Variants in CEP128 observed in about 807,000 individuals in gnomAD.
The protein encoded by CEP128 is centrosomal protein 128kDa.
In CEP128, 132 loss-of-function variants were observed where a neutral mutation model predicts 156.7. That is an observed-to-expected ratio of 0.84 (90% CI 0.73 to 0.97). The LOEUF is 0.97. Among genes scored for constraint, CEP128 ranks in the 50% least tolerant of loss-of-function variants. CEP128 has a pLI of 0.00. For missense variants in CEP128, 1,252 were observed against 1,281.9 expected (o/e 0.98, Z 0.36); for synonymous variants, 469 against 448.9 (o/e 1.04, Z -0.57).
intron 19 of CEP128, among the ~76,000 whole-genome samples, chr14:80,646,328 T>C (rs1158809364): frequency 6.6e-6 from 1 of 151,918 alleles, no homozygotes; most frequent in Non-Finnish European, 1.5e-5. Flanking sequence ...AATTTTATTA[T>C]GAATGCTCTG....
intron 2 of CEP128, chr14:80,955,334 G>GGGAGGGGCGCCCGGGGT (rs200176763): frequency 0.16 from 69,970 of 448,418 alleles, 6,886 homozygotes; most frequent in East Asian, 0.41. Context: ...GAGAACTAAT[G>GGGAGGGGCGCCCGGGGT]GGAGGGGCGC....
At chr14:80,532,714 C>G (rs1889285924) in intron 21 of CEP128, among the ~76,000 whole-genome samples, 1 of 152,166 alleles carries the variant, frequency 6.6e-6, no homozygotes, top group Admixed American at 6.5e-5. Flanking sequence ...TTGGCAGATC[C>G]TTGAGTTTCA....
chr14:80,709,574 CA>C (rs527795315), intron 19 of CEP128, among the ~76,000 whole-genome samples: 7 of 152,032 alleles, frequency 4.6e-5, no homozygotes, highest in Admixed American at 1.3e-4. Context: ...ACATTTAATA[CA>C]AAAAAATCTG....
At chr14:80,938,476 C>G (rs1019195157) in intron 2 of CEP128, among the ~76,000 whole-genome samples, 1 of 151,738 alleles carries the variant, frequency 6.6e-6, no homozygotes, top group African/African-American at 2.4e-5. Flanking sequence ...CTCGATCTCC[C>G]GACCTCGTGA....
chr14:80,798,068 T>C (rs1024630929), intron 13 of CEP128, among the ~76,000 whole-genome samples: 1 of 152,130 alleles, frequency 6.6e-6, no homozygotes, highest in Non-Finnish European at 1.5e-5. Flanking sequence ...ATAAGCAGTG[T>C]CAAAAAAAGG....
chr14:80,731,274 T>C (rs1898258787), intron 19 of CEP128, among the ~76,000 whole-genome samples: 1 of 152,220 alleles, frequency 6.6e-6, no homozygotes, highest in African/African-American at 2.4e-5. Flanking sequence ...TCACAAAGTC[T>C]GCTCCCATCT....
upstream of CEP128, among the ~76,000 whole-genome samples, chr14:80,946,544 C>G (rs945940267): frequency 1.3e-5 from 2 of 151,920 alleles, no homozygotes; most frequent in African/African-American, 4.8e-5. Flanking sequence ...ACTTTTGAAC[C>G]ATACGAAACA....
chr14:80,651,734 A>G (rs763596396), intron 19 of CEP128, among the ~76,000 whole-genome samples: 8 of 152,020 alleles, frequency 5.3e-5, no homozygotes, highest in African/African-American at 9.7e-5. Context: ...GTTTTGAGTG[A>G]GTTTCTTAAT....
intron 2 of CEP128, among the ~76,000 whole-genome samples, chr14:80,923,629 C>T (rs1300813962): frequency 6.6e-6 from 1 of 152,098 alleles, no homozygotes; most frequent in African/African-American, 2.4e-5. Context: ...CTCAGCTGTC[C>T]CTGCCCAAGG....
intron 4 of CEP128, among the ~76,000 whole-genome samples, chr14:80,906,599 G>A (rs970759057): frequency 6.6e-6 from 1 of 152,134 alleles, no homozygotes; most frequent in Non-Finnish European, 1.5e-5. Flanking sequence ...TCAAATCCCA[G>A]AAAATGATTG....
rs142668078 is a variant in CEP128 at position 80,849,170 on chromosome 14, G to C, written c.763-8402C>G. 1.4e-3 allele frequency among the ~76,000 whole-genome samples: 210 copies of C among 152,166 alleles called. 1 individual carries two copies. Among genetic ancestry groups the C allele is most frequent in the African/African-American group, 4.1e-3 (170 of 41,514 alleles). On this transcript the variant is annotated intron_variant, in intron 9 of 24. Coordinates refer to ENST00000555265, the MANE Select transcript of CEP128 (RefSeq NM_152446.5). ...AGAAAAGGAGAGGCAAAGACATAAAGGAAACATATAAAGGTTTTAAAATAT... is the reference window on the plus strand; with the variant it reads ...AGAAAAGGAGAGGCAAAGACATAAACGAAACATATAAAGGTTTTAAAATAT...
At chr14:80,702,796 GCCT>G (rs1897117453) in intron 19 of CEP128, among the ~76,000 whole-genome samples, 2 of 152,112 alleles carry the variant, frequency 1.3e-5, no homozygotes, top group African/African-American at 2.4e-5. Flanking sequence ...TGCAGCAACT[GCCT>G]GCTTATTTTG....
At chr14:80,687,807 C>A (rs1896578590) in intron 19 of CEP128, among the ~76,000 whole-genome samples, 1 of 152,144 alleles carries the variant, frequency 6.6e-6, no homozygotes, top group Non-Finnish European at 1.5e-5. Context: ...AGATCGCACT[C>A]ATGCACGAAA....
chr14:80,676,800 CACTT>C lies in CEP128; in HGVS notation c.2806+66271_2806+66274del, dbSNP rs1190578926. Among the ~76,000 whole-genome samples the C allele has an allele frequency of 3.9e-5, 6 of 152,206 alleles. No individual in the cohort carries two copies. The South Asian group carries it at 1.0e-3, about 26-fold the overall frequency. On this transcript the variant is annotated intron_variant, in intron 19 of 24. Transcript: ENST00000555265. ...ATTACCATAATCATGTGCTGTTTCT[CACTT>C]AATTAATTAATGTGGTAAATAACAT...
At chr14:80,583,220 C>G (rs1891662236) in intron 19 of CEP128, among the ~76,000 whole-genome samples, 1 of 152,122 alleles carries the variant, frequency 6.6e-6, no homozygotes, top group African/African-American at 2.4e-5. Context: ...CTTGGGATGG[C>G]TGAATAAAAA....
chr14:80,557,504 G>A (rs1463494950), intron 21 of CEP128, among the ~76,000 whole-genome samples: 1 of 152,132 alleles, frequency 6.6e-6, no homozygotes, highest in East Asian at 1.9e-4. Context: ...TTTTTGTCCA[G>A]ATTTTTTAAA....
intron 19 of CEP128, among the ~76,000 whole-genome samples, chr14:80,592,672 G>A (rs1052063072): frequency 3.3e-5 from 5 of 152,114 alleles, no homozygotes; most frequent in Admixed American, 2.0e-4. Context: ...ATCCTGATAC[G>A]AAAACCAGGC....
At chr14:80,534,294 T>C (rs1195916061) in intron 21 of CEP128, among the ~76,000 whole-genome samples, 1 of 152,182 alleles carries the variant, frequency 6.6e-6, no homozygotes, top group Non-Finnish European at 1.5e-5. Context: ...ACTTAAGATT[T>C]CAAAATTATT....
intron 13 of CEP128, among the ~76,000 whole-genome samples, chr14:80,823,771 T>C (rs1480329362): frequency 6.6e-6 from 1 of 152,244 alleles, no homozygotes; most frequent in African/African-American, 2.4e-5. Flanking sequence ...GCACTGAGTG[T>C]CTGAGGCTTT....
Sources: allele counts gnomAD v4.1 joint callset (sites outside exome capture counted in the v4.1 genomes callset), GRCh38; gene constraint gnomAD v4.1.1; transcripts MANE v1.5; gene names NCBI Gene and HGNC (gene_info 2026-07-23, HGNC 2026-07-21).